The following SEC14L5 variants were observed in gnomAD, a reference collection of about 807,000 sequenced individuals.
The protein encoded by SEC14L5 is SEC14-like protein 5.
A neutral mutation model predicts 84.6 loss-of-function variants in SEC14L5; 96 were observed. The ratio of observed to expected loss-of-function variants is 1.13; its 90% CI spans 0.96 to 1.34. The LOEUF (loss-of-function observed/expected upper bound fraction) is 1.34. SEC14L5 is among the 40% of genes most tolerant of loss of function. The pLI, the probability that SEC14L5 is intolerant of heterozygous loss-of-function variation, is 0.00. For missense variants in SEC14L5, 1,224 were observed against 942.5 expected (o/e 1.30, Z -3.91); for synonymous variants, 546 against 383.4 (o/e 1.42, Z -4.95).
At chr16:4,987,226 G>C (rs571676894) in intron 2 of SEC14L5, among the ~76,000 whole-genome samples, 1 of 148,636 alleles carries the variant, frequency 6.7e-6, no homozygotes, top group Non-Finnish European at 1.5e-5. Flanking sequence ...TATCATGAAG[G>C]GGTGTTGGAT....
chr16:4,967,561 C>CATTTTTTTTTT (rs1568104233), intron 2 of SEC14L5, among the ~76,000 whole-genome samples: 3 of 86,272 alleles, frequency 3.5e-5, no homozygotes, highest in Non-Finnish European at 2.2e-5. Flanking sequence ...TTCTTTCTTT[C>CATTTTTTTTTT]GTTTTTTTTT....
chr16:4,982,468 T>G (rs75128152), intron 2 of SEC14L5, among the ~76,000 whole-genome samples: 1 of 152,136 alleles, frequency 6.6e-6, no homozygotes, highest in South Asian at 2.1e-4. Context: ...CGTAGGTTCA[T>G]GGGCTTGGGG....
At chr16:4,965,668 A>T (rs1425712885) in intron 2 of SEC14L5, among the ~76,000 whole-genome samples, 1 of 147,570 alleles carries the variant, frequency 6.8e-6, no homozygotes, top group Non-Finnish European at 1.5e-5. Flanking sequence ...CTCAAAAAAA[A>T]AAAAAAAAAA....
intron 3 of SEC14L5, 39 bp downstream of exon 3, chr16:4,987,745 T>C: frequency 7.0e-7 from 1 of 1,420,126 alleles, no homozygotes; most frequent in Non-Finnish European, 9.2e-7. Context: ...GGAGGGGACC[T>C]GTTGCGGAGG....
chr16:4,967,975 C>T (rs1955226844), intron 2 of SEC14L5, among the ~76,000 whole-genome samples: 1 of 129,874 alleles, frequency 7.7e-6, no homozygotes, highest in Non-Finnish European at 1.6e-5. Context: ...CCCTCCCTTC[C>T]CCTCCCCTCT....
At chr16:5,008,198 G>A (rs542071645) in intron 13 of SEC14L5, among the ~76,000 whole-genome samples, 10 of 152,260 alleles carry the variant, frequency 6.6e-5, no homozygotes, top group African/African-American at 2.4e-4. Context: ...TTATAGGCAT[G>A]AGCCACCAAG....
intron 2 of SEC14L5, among the ~76,000 whole-genome samples, chr16:4,975,472 C>CAAA (rs55786860): frequency 0.017 from 1,276 of 77,034 alleles, 48 homozygotes; most frequent in South Asian, 0.036. Flanking sequence ...AACTCCATCT[C>CAAA]AAAAAAAAAA....
rs1195996312 is a variant in SEC14L5 at position 4,958,428 on chromosome 16, G to C, written c.-69G>C. On this transcript the variant is annotated 5_prime_UTR_variant, in exon 1 of 16. Coordinates refer to ENST00000251170, the MANE Select transcript of SEC14L5 (RefSeq NM_014692.2). Reference sequence around the variant, plus strand: ...GGGACACACCAGGCTAGAGATCCGCGATCGGGCCCCGCCTCAGGTACTGCG... The same window carrying C: ...GGGACACACCAGGCTAGAGATCCGCCATCGGGCCCCGCCTCAGGTACTGCG... The C allele has an allele frequency of 6.6e-6, 1 of 152,242 alleles. No individual in the cohort carries two copies. Among genetic ancestry groups the C allele is most frequent in the Admixed American group, 6.6e-5 (1 of 15,228 alleles). The allele number at this position is 152,242 out of a possible 1,614,324, so 9.4% of individuals were successfully genotyped here. A position where few individuals can be genotyped will look rare whatever the true frequency, so the allele number is the denominator to read the frequency against.
chr16:4,967,562 GTTTTTTTTTTTTTTT>G (rs869061549), intron 2 of SEC14L5, among the ~76,000 whole-genome samples: 1 of 37,064 alleles, frequency 2.7e-5, no homozygotes, highest in South Asian at 1.3e-3. Context: ...TCTTTCTTTC[GTTTTTTTTTTTTTTT>G]TTTTTTTTTT....
chr16:4,976,588 G>A (rs537477533), intron 2 of SEC14L5, among the ~76,000 whole-genome samples: 13 of 152,290 alleles, frequency 8.5e-5, no homozygotes, highest in Admixed American at 3.3e-4. Context: ...GGGAATTCAG[G>A]GCTATTTAGC....
chr16:4,976,100 T>A (rs570604084), intron 2 of SEC14L5, among the ~76,000 whole-genome samples: 3 of 152,300 alleles, frequency 2.0e-5, no homozygotes, highest in Non-Finnish European at 4.4e-5. Context: ...TTTTTAAAAT[T>A]TAAATTTACT....
intron 2 of SEC14L5, among the ~76,000 whole-genome samples, chr16:4,978,030 G>A (rs1349539503): frequency 1.3e-5 from 2 of 148,766 alleles, no homozygotes; most frequent in Non-Finnish European, 1.5e-5. Context: ...TTGAACTCCT[G>A]GCCTCAAGTG....
Position 4,992,020 on chromosome 16 carries a change from C to T in SEC14L5, c.657C>T (p.Val219=). ...RSTLGPALEA[V]SMDGDKLDAD... Reference sequence around the variant, plus strand: ...CCCTGGGGCCCGCTCTGGAGGCGGTCAGTATGGACGGTAGGTGGTACAGCC... The same window carrying T: ...CCCTGGGGCCCGCTCTGGAGGCGGTTAGTATGGACGGTAGGTGGTACAGCC... The change falls in exon 6 of 16, where the codon GTC becomes GTT. Residue 219 remains valine, a synonymous_variant. Coordinates refer to ENST00000251170, the MANE Select transcript of SEC14L5 (RefSeq NM_014692.2). The T allele has an allele frequency of 6.4e-7, 1 of 1,568,202 alleles. No homozygotes were observed. Among genetic ancestry groups the T allele is most frequent in the African/African-American group, 1.3e-5 (1 of 74,196 alleles).
rs187248112 is a variant in SEC14L5 at position 5,005,985 on chromosome 16, C to G, written c.1374C>G (p.Pro458=). The G allele has an allele frequency of 3.7e-6, 6 of 1,613,654 alleles. No homozygotes were observed. In the South Asian group the frequency reaches 5.5e-5, roughly 15 times the overall value. ...LIYSGSNYQG[P]GGLVDYLDRE... ...ACAGTGGCAGCAACTACCAGGGACC[C>G]GGAGGCCTTGTGGACTATCTGGATA... Residue 458 remains proline (P), a synonymous_variant, in exon 12 of 16, where the codon CCC becomes CCG. Coordinates refer to ENST00000251170, the MANE Select transcript of SEC14L5 (RefSeq NM_014692.2).
At chr16:5,009,775 G>T (rs988604504) in intron 14 of SEC14L5, among the ~76,000 whole-genome samples, 1 of 152,144 alleles carries the variant, frequency 6.6e-6, no homozygotes, top group Non-Finnish European at 1.5e-5. Context: ...TTGAAGTTCA[G>T]GTTGCCTGCA....
chr16:4,978,829 T>C (rs956703866), intron 2 of SEC14L5, among the ~76,000 whole-genome samples: 4 of 152,116 alleles, frequency 2.6e-5, no homozygotes, highest in South Asian at 2.1e-4. Context: ...TCTCGATCGC[T>C]TGACCTCGTG....
chr16:4,983,112 C>T (rs12445030), intron 2 of SEC14L5, among the ~76,000 whole-genome samples: 22 of 152,202 alleles, frequency 1.4e-4, no homozygotes, highest in Middle Eastern at 6.8e-3. Context: ...AAGCGATTCT[C>T]CTGCCTCAGC....
rs368206815 is a variant in SEC14L5 at position 5,018,263 on chromosome 16, T to A, written c.*3293T>A. On this transcript the variant is annotated 3_prime_UTR_variant, in exon 16 of 16. Coordinates refer to ENST00000251170, the MANE Select transcript of SEC14L5 (RefSeq NM_014692.2). ...TTAATGCTTCGCATCCAAAGACTCG[T>A]TTTCTTCCTGAGGTCGCCTATCCCT... 6.6e-6 allele frequency: 1 copy of A among 152,374 alleles called. No individual in the cohort carries two copies. Among genetic ancestry groups the A allele is most frequent in the East Asian group, 1.9e-4 (1 of 5,190 alleles). The allele number at this position is 152,374 out of a possible 1,614,324, so 9.4% of individuals were successfully genotyped here. A position where few individuals can be genotyped will look rare whatever the true frequency, so the allele number is the denominator to read the frequency against.
chr16:5,014,870 C>G lies in SEC14L5; in HGVS notation c.1991C>G (p.Ser664Cys). The G allele has an allele frequency of 6.2e-7, 1 of 1,613,722 alleles. No individual in the cohort carries two copies. Among genetic ancestry groups the G allele is most frequent in the Non-Finnish European group, 8.5e-7 (1 of 1,179,778 alleles). The change falls in exon 16 of 16, where the codon TCC becomes TGC. Residue 664 changes from serine (S) to cysteine (C), a missense_variant. Coordinates refer to ENST00000251170, the MANE Select transcript of SEC14L5 (RefSeq NM_014692.2). ...CCCTTCCTCCCCAGGGGCTCCATGT[C>G]CAGCCTGGAATCCTGCACCAGCGGC... ...LASEDFRGSM[S>C]SLESCTSGFS...
Sources: allele counts gnomAD v4.1 joint callset (sites outside exome capture counted in the v4.1 genomes callset), GRCh38; gene constraint gnomAD v4.1.1; transcripts MANE v1.5; gene names NCBI Gene and HGNC (gene_info 2026-07-23, HGNC 2026-07-21).